The following CCDC7 variants were observed in gnomAD, a reference collection of about 807,000 sequenced individuals.
CCDC7 encodes the protein coiled-coil domain containing 7, also known as coiled-coil domain-containing protein 7.
CCDC7 carries 183 observed loss-of-function variants against 196.9 expected under a neutral mutation model. The observed-to-expected ratio is 0.93, with a 90% CI of 0.82 to 1.05. CCDC7 has a LOEUF of 1.05. Ranked by LOEUF, CCDC7 falls within the 50% of genes least tolerant of loss-of-function variation. CCDC7 has a pLI of 0.00. For synonymous variants in CCDC7, 525 were observed against 484.6 expected, an observed-to-expected ratio of 1.08 and a Z score of -1.10; for missense variants, 1,540 against 1,482.2, an observed-to-expected ratio of 1.04 and a Z score of -0.64.
At chr10:32,472,685 C>G in intron 7 of CCDC7, 143 bp downstream of exon 8, 1 of 706,018 alleles carries the variant, frequency 1.4e-6, no homozygotes, top group Admixed American at 4.0e-5. Flanking sequence ...GCCTCAAACT[C>G]TTGGGCTCAA....
chr10:32,798,313 G>A (rs751079341), intron 29 of CCDC7, among the ~76,000 whole-genome samples: 8 of 152,208 alleles, frequency 5.3e-5, no homozygotes, highest in Admixed American at 1.3e-4. Flanking sequence ...AGCAGTGGCC[G>A]TAGCCAGATC....
rs535136695 is a variant in CCDC7, at chr10:32,753,087, T to G, written c.2905+23630T>G. Among the ~76,000 whole-genome samples the G allele has an allele frequency of 1.2e-4, 18 of 152,296 alleles. No homozygotes were observed. The South Asian group carries it at 3.5e-3, about 30-fold the overall frequency. ...ATATGTTTTACGTTTTTAGAGTAGA[T>G]GTATTTTCTTTTCAATGTATTTCAA... On this transcript the variant is annotated intron_variant, in intron 28 of 41. Coordinates refer to ENST00000639629, the Ensembl canonical transcript of CCDC7.
chr10:32,460,627 A>AT (rs5784296), intron 3 of CCDC7, among the ~76,000 whole-genome samples: 127,094 of 152,134 alleles, frequency 0.84, 53,689 homozygotes, highest in Non-Finnish European at 0.9. Context: ...AGTGGACATT[A>AT]TTTCTAAACA....
chr10:32,789,713 T>C (rs2082395973), intron 29 of CCDC7, among the ~76,000 whole-genome samples: 1 of 152,114 alleles, frequency 6.6e-6, no homozygotes, highest in South Asian at 2.1e-4. Context: ...GCAGAGTGAA[T>C]AGATTAATGC....
At chr10:32,700,020 T>G (rs1422100091) in intron 24 of CCDC7, among the ~76,000 whole-genome samples, 1 of 149,570 alleles carries the variant, frequency 6.7e-6, no homozygotes, top group Admixed American at 6.6e-5. Context: ...TTCACTCTGA[T>G]GGTAGTTTCT....
At chr10:32,764,632 G>C (rs2077987431) in intron 28 of CCDC7, among the ~76,000 whole-genome samples, 1 of 151,932 alleles carries the variant, frequency 6.6e-6, no homozygotes, top group African/African-American at 2.4e-5. Flanking sequence ...AAATTGGAGT[G>C]TTAATGTGGA....
intron 18 of CCDC7, among the ~76,000 whole-genome samples, chr10:32,590,211 AT>A (rs1386167727): frequency 1.3e-5 from 2 of 151,496 alleles, no homozygotes; most frequent in Non-Finnish European, 2.9e-5. Flanking sequence ...CTTGCTTTTT[AT>A]TTTTTGTGTG....
At chr10:32,572,129 T>C (rs982703236) in intron 16 of CCDC7, among the ~76,000 whole-genome samples, 1 of 151,912 alleles carries the variant, frequency 6.6e-6, no homozygotes, top group African/African-American at 2.4e-5. Flanking sequence ...AGAAACAAAC[T>C]TTTTTTTCCT....
At chr10:32,763,634 T>C (rs956604039) in intron 28 of CCDC7, among the ~76,000 whole-genome samples, 1 of 151,976 alleles carries the variant, frequency 6.6e-6, no homozygotes, top group African/African-American at 2.4e-5. Flanking sequence ...TACAATGGAA[T>C]AGTATTCTTC....
chr10:32,529,228 G>T (rs1475702480), intron 11 of CCDC7, among the ~76,000 whole-genome samples: 1 of 151,976 alleles, frequency 6.6e-6, no homozygotes, highest in African/African-American at 2.4e-5. Context: ...TCACATGTTG[G>T]CCAGGCTGGG....
Position 32,848,714 on chromosome 10 carries a change from T to TA in CCDC7, c.3894dup (p.Glu1299ArgfsTer5), listed in dbSNP as rs2093414049. ...TGATCAATTTATCACCCTTTGAAAA[T>TA]AAAGGTAAAGAATTATGTATGTAGA... On this transcript the variant is annotated frameshift_variant, in exon 39 of 42. Transcript: ENST00000639629. LOFTEE classifies it high-confidence loss of function. 2 of 1,536,194 alleles carry TA rather than the reference T, an allele frequency of 1.3e-6. No homozygotes were observed. Among genetic ancestry groups the TA allele is most frequent in the Non-Finnish European group, 1.8e-6 (2 of 1,110,240 alleles).
At chr10:32,456,482 T>G in intron 3 of CCDC7, 148 bp downstream of exon 4, 1 of 582,680 alleles carries the variant, frequency 1.7e-6, no homozygotes, top group Non-Finnish European at 2.5e-6. Context: ...TATTTATTTA[T>G]TTTTTATTCT....
chr10:32,548,610 G>T (rs920395278), intron 13 of CCDC7, among the ~76,000 whole-genome samples: 1 of 152,146 alleles, frequency 6.6e-6, no homozygotes, highest in African/African-American at 2.4e-5. Flanking sequence ...CAATTTACAG[G>T]CTAAAACCTT....
chr10:32,721,138 A>G (rs2082356217), intron 25 of CCDC7, among the ~76,000 whole-genome samples: 1 of 152,136 alleles, frequency 6.6e-6, no homozygotes, highest in Admixed American at 6.6e-5. Flanking sequence ...TAATATGTAA[A>G]TACCCCAAGA....
At chr10:32,477,046 A>G (rs2039097686) in intron 8 of CCDC7, among the ~76,000 whole-genome samples, 1 of 127,060 alleles carries the variant, frequency 7.9e-6, no homozygotes, top group African/African-American at 2.9e-5. Context: ...CAGAGCCAGA[A>G]TAAAGTCAAA....
intron 9 of CCDC7, among the ~76,000 whole-genome samples, chr10:32,492,200 G>C (rs2042259750): frequency 6.6e-6 from 1 of 152,030 alleles, no homozygotes; most frequent in Non-Finnish European, 1.5e-5. Context: ...TTTTATGTAT[G>C]TATAATTTTT....
intron 28 of CCDC7, among the ~76,000 whole-genome samples, chr10:32,764,228 G>A (rs1296017861): frequency 6.9e-6 from 1 of 145,728 alleles, no homozygotes; most frequent in Non-Finnish European, 1.5e-5. Context: ...TCTTTTGCTT[G>A]TAGACCTATA....
At chr10:32,563,888 C>T (rs1425605547) in intron 13 of CCDC7, among the ~76,000 whole-genome samples, 86 of 151,846 alleles carry the variant, frequency 5.7e-4, no homozygotes, top group African/African-American at 2.0e-3. Context: ...AGAAAATTTT[C>T]GCAACCTACT....
chr10:32,575,597 A>G (rs1043075687), intron 16 of CCDC7, among the ~76,000 whole-genome samples: 4 of 152,242 alleles, frequency 2.6e-5, no homozygotes, highest in Non-Finnish European at 5.9e-5. Flanking sequence ...TGTATCACTG[A>G]GAGCTTCCTG....
Sources: gnomAD v4.1 joint callset for allele counts (sites outside exome capture counted in the v4.1 genomes callset) on GRCh38, gnomAD v4.1.1 for gene constraint, MANE v1.5 for transcripts, NCBI Gene and HGNC (gene_info 2026-07-23, HGNC 2026-07-21) for gene names.